Variants in ABCC8 observed in about 807,000 individuals in gnomAD.
The protein encoded by ABCC8 is ATP binding cassette subfamily C member 8, also known as ATP-binding cassette sub-family C member 8.
In ABCC8, 137 loss-of-function variants were observed where a neutral mutation model predicts 188.0. That is an observed-to-expected ratio of 0.73 (90% CI 0.63 to 0.84). The LOEUF (loss-of-function observed/expected upper bound fraction) is 0.84. Among genes scored for constraint, ABCC8 ranks in the 40% least tolerant of loss-of-function variants. The pLI is 0.00. For synonymous variants in ABCC8, 797 were observed against 846.5 expected (o/e 0.94, Z 1.01); for missense variants, 1,750 against 2,072.7 (o/e 0.84, Z 3.02).
At chr11:17,433,684 T>G (rs1955950862) in intron 10 of ABCC8, among the ~76,000 whole-genome samples, 2 of 152,270 alleles carry the variant, frequency 1.3e-5, no homozygotes, top group South Asian at 4.1e-4. Flanking sequence ...GGGAAGGACA[T>G]TGTCCCCATC....
At chr11:17,411,211 A>G (rs898031991) in intron 21 of ABCC8, among the ~76,000 whole-genome samples, 2 of 152,304 alleles carry the variant, frequency 1.3e-5, no homozygotes, top group Admixed American at 6.5e-5. Context: ...CACTGGCGCA[A>G]AGCCAGATCT....
chr11:17,444,423 T>C (rs1469745474), intron 8 of ABCC8: 2 of 152,208 alleles, frequency 1.3e-5, no homozygotes, highest in Admixed American at 6.5e-5. Flanking sequence ...AAGGCTCCCA[T>C]GGCACCCCAA....
intron 6 of ABCC8, among the ~76,000 whole-genome samples, chr11:17,455,940 A>C (rs1379219597): frequency 7.2e-6 from 1 of 138,630 alleles, no homozygotes; most frequent in Non-Finnish European, 1.5e-5. Flanking sequence ...CTCCATCCAA[A>C]AAAAAAAAAA....
intron 17 of ABCC8, among the ~76,000 whole-genome samples, chr11:17,415,620 A>G (rs992967754): frequency 6.6e-6 from 1 of 152,150 alleles, no homozygotes; most frequent in Non-Finnish European, 1.5e-5. Flanking sequence ...TCTGGGGGGA[A>G]AACTTGTCAG....
intron 18 of ABCC8, 139 bp from the exon 19 acceptor site, chr11:17,414,749 C>T: frequency 1.4e-6 from 2 of 1,471,302 alleles, no homozygotes; most frequent in Non-Finnish European, 1.8e-6. Context: ...CTTAGTGTGG[C>T]CTCTGGTGGC....
At chr11:17,412,082 C>T (rs554457285) in intron 21 of ABCC8, among the ~76,000 whole-genome samples, 18 of 151,970 alleles carry the variant, frequency 1.2e-4, no homozygotes, top group Non-Finnish European at 2.5e-4. Context: ...TTAGTAGAGA[C>T]GGGGTTTCAC....
In ABCC8 at chr11:17,424,881, C is replaced by T. The variant is rs76418496; in HGVS notation, c.2222+2168G>A. 1.8e-3 allele frequency among the ~76,000 whole-genome samples: 276 copies of T among 152,342 alleles called. 2 individuals are homozygous for T. The East Asian group carries it at 0.029, about 16-fold the overall frequency. On this transcript the variant is annotated intron_variant, in intron 16 of 38. Coordinates refer to ENST00000389817, the MANE Select transcript of ABCC8 (RefSeq NM_000352.6). The stretch of plus-strand genomic sequence containing the variant: ...CTTCTCTGAGCCTGAGTTTCTGCTT[C>T]TGTGAAATGGGGTAACAACACTCCC...
chr11:17,456,564 G>A (rs904653313), intron 6 of ABCC8, among the ~76,000 whole-genome samples: 3 of 152,120 alleles, frequency 2.0e-5, no homozygotes, highest in Non-Finnish European at 4.4e-5. Context: ...TCCCAGCCCC[G>A]GGAGGCCCTG....
At chr11:17,466,643 G>T (rs1171258843) in intron 3 of ABCC8, among the ~76,000 whole-genome samples, 1 of 151,968 alleles carries the variant, frequency 6.6e-6, no homozygotes, top group African/African-American at 2.4e-5. Context: ...TTGAGACAGG[G>T]TCTCACTCTG....
intron 8 of ABCC8, chr11:17,443,574 CCTTAACTCTCTCCAGTCT>C (rs1956409362): frequency 6.0e-6 from 3 of 496,914 alleles, no homozygotes; most frequent in Non-Finnish European, 7.3e-6. Flanking sequence ...CTGGTTGAAG[CCTTAACTCTCTCCAGTCT>C]ATTTTCCAGA....
intron 3 of ABCC8, chr11:17,465,676 C>A (rs1035140952): frequency 1.3e-5 from 2 of 152,140 alleles, no homozygotes; most frequent in African/African-American, 4.8e-5. Flanking sequence ...TTCTCCCTCG[C>A]CCCACACCTC....
rs1953845952 is a variant in ABCC8, at chr11:17,395,203, C to T, written c.4380G>A (p.Lys1460=). 6.3e-7 allele frequency: 1 copy of T among 1,591,830 alleles called. No homozygotes were observed. Among genetic ancestry groups the T allele is most frequent in the Non-Finnish European group, 8.6e-7 (1 of 1,167,466 alleles). The change falls in exon 36 of 39, where the codon AAG becomes AAA. Residue 1460 remains lysine, a synonymous_variant. Transcript: ENST00000389817. ...LWEALEIAQL[K]LVVKALPGGL... ...CTCCTGGCAGTGCCTTCACCACCAG[C>T]TTCAGCTGGGCGATTTCCAGGGCCT... is the stretch of plus-strand genomic sequence containing the variant.
Position 17,430,799 on chromosome 11 carries a change from G to C in ABCC8, c.1817+15C>G, listed in dbSNP as rs369881844. ...ACCTGCCTGCCCAGTGCCCTCGCCCGGACCCTCCCCTCACCTCACTAGAGC... is the reference window on the plus strand; with the variant it reads ...ACCTGCCTGCCCAGTGCCCTCGCCCCGACCCTCCCCTCACCTCACTAGAGC... On this transcript the variant is annotated intron_variant, in intron 12 of 38. Transcript: ENST00000389817. 2.5e-6 allele frequency: 4 copies of C among 1,613,672 alleles called. No homozygotes were observed. The highest frequency in any genetic ancestry group is 1.3e-5 in the African/African-American group (1 of 75,050).
intron 7 of ABCC8, 120 bp from the exon 8 acceptor site, chr11:17,448,791 C>A: frequency 6.5e-7 from 1 of 1,545,482 alleles, no homozygotes; most frequent in South Asian, 1.1e-5. Context: ...TGCCCTAGAG[C>A]AGCTCTGTAA....
Position 17,399,300 on chromosome 11 carries a change from A to AC in ABCC8, c.3651-860_3651-859insG, listed in dbSNP as rs1368786359. ...CAAAAAAAAAAAAAAAAAAAAAAAA[A>AC]AAAACAAATAAAAAAGAATATTAAT... On this transcript the variant is annotated intron_variant, in intron 29 of 38. Coordinates refer to ENST00000389817, the MANE Select transcript of ABCC8 (RefSeq NM_000352.6). Among the ~76,000 whole-genome samples, 39 of 148,752 alleles carry AC rather than the reference A, an allele frequency of 2.6e-4. 3 individuals are homozygous for AC. The highest frequency in any genetic ancestry group is 6.4e-4 in the African/African-American group (26 of 40,376).
At chr11:17,397,101 A>C in intron 32 of ABCC8, 55 bp from the exon 33 acceptor site, 1 of 1,613,888 alleles carries the variant, frequency 6.2e-7, no homozygotes, top group South Asian at 1.1e-5. Flanking sequence ...AGTATCCGAA[A>C]GTGCCACCCC....
intron 8 of ABCC8, chr11:17,443,534 G>T (rs565031219): frequency 3.3e-6 from 2 of 599,286 alleles, no homozygotes; most frequent in South Asian, 1.9e-5. Context: ...GGGTTGCTGG[G>T]CTGGTAACTA....
intron 10 of ABCC8, 136 bp downstream of exon 10, chr11:17,442,584 T>C: frequency 1.2e-6 from 1 of 869,408 alleles, no homozygotes; most frequent in Non-Finnish European, 1.9e-6. Context: ...AGAGCCAGTT[T>C]GAGGCTCCCC....
rs760963644 is a variant in ABCC8, at chr11:17,428,381, G to C, written c.1948C>G (p.Arg650Gly). The C allele has an allele frequency of 6.2e-7, 1 of 1,613,886 alleles. No individual in the cohort carries two copies. Among genetic ancestry groups the C allele is most frequent in the African/African-American group, 1.3e-5 (1 of 74,936 alleles). ...AVPLRVVNRKRPAREDCRGLT... is the reference protein window; with the variant it reads ...AVPLRVVNRKGPAREDCRGLT... ...CCCCGACAATCCTCCCGGGCTGGAC[G>C]CTTGCGGTTCACAACCCTGAGGGGC... The change falls in exon 14 of 39, where the codon CGT becomes GGT. Residue 650 changes from arginine to glycine, a missense_variant. Arg to Gly is a moderately radical substitution (Grantham distance 125). Transcript: ENST00000389817.
Sources: gnomAD v4.1 joint callset for allele counts (sites outside exome capture counted in the v4.1 genomes callset) on GRCh38, gnomAD v4.1.1 for gene constraint, MANE v1.5 for transcripts, NCBI Gene and HGNC (gene_info 2026-07-23, HGNC 2026-07-21) for gene names.